The following GPC6 variants were observed in gnomAD, a reference collection of about 807,000 sequenced individuals.
The protein encoded by GPC6 is glypican 6, also known as glypican-6.
GPC6 carries 14 observed loss-of-function variants against 55.2 expected under a neutral mutation model. The observed-to-expected ratio is 0.25, with a 90% confidence interval of 0.17 to 0.40. The LOEUF (loss-of-function observed/expected upper bound fraction) is 0.40, where lower values mean the gene tolerates loss of function less well. Ranked by LOEUF, GPC6 falls within the 10% of genes least tolerant of loss-of-function variation. GPC6 has a pLI of 1.00. For missense variants in GPC6, 641 were observed against 708.5 expected, an observed-to-expected ratio of 0.90 and a Z score of 1.08; for synonymous variants, 278 against 259.6, an observed-to-expected ratio of 1.07 and a Z score of -0.68.
intron 4 of GPC6, among the ~76,000 whole-genome samples, chr13:94,069,779 A>G (rs1015015993): frequency 6.6e-6 from 1 of 152,146 alleles, no homozygotes; most frequent in South Asian, 2.1e-4. Context: ...CAAGTTTCTC[A>G]TCTCCATCTG....
Position 94,403,051 on chromosome 13 carries a change from G to A in GPC6, c.1502G>A (p.Cys501Tyr). 6.2e-7 allele frequency: 1 copy of A among 1,613,626 alleles called. No homozygotes were observed. Among genetic ancestry groups the A allele is most frequent in the African/African-American group, 1.3e-5 (1 of 75,038 alleles). ...AGTGGCTCAGGGAGTGGCAGTGGGT[G>A]CATGGATGACGTGTGTCCCACGGAG... ...ESSGSGSGSGCMDDVCPTEFE... is the reference protein window; with the variant it reads ...ESSGSGSGSGYMDDVCPTEFE... The change falls in exon 9 of 9, where the codon TGC (cysteine) becomes TAC (tyrosine). Residue 501 changes from cysteine to tyrosine, a missense_variant. Cys to Tyr is a radical substitution (Grantham distance 194). Coordinates refer to ENST00000377047, the MANE Select transcript of GPC6 (RefSeq NM_005708.5).
intron 2 of GPC6, among the ~76,000 whole-genome samples, chr13:93,553,985 A>T (rs1875311849): frequency 6.6e-6 from 1 of 151,024 alleles, no homozygotes; most frequent in African/African-American, 2.4e-5. Flanking sequence ...AAAAAAAAAA[A>T]AAAAATACAA....
intron 3 of GPC6, among the ~76,000 whole-genome samples, chr13:93,983,219 A>C (rs939249831): frequency 6.6e-6 from 1 of 152,210 alleles, no homozygotes; most frequent in African/African-American, 2.4e-5. Flanking sequence ...CATGTTAATC[A>C]TAGTAAATGC....
intron 1 of GPC6, among the ~76,000 whole-genome samples, chr13:93,403,398 T>C (rs1234176594): frequency 1.3e-5 from 2 of 152,300 alleles, no homozygotes; most frequent in East Asian, 1.9e-4. Context: ...CTATTCCTTT[T>C]CTTGTGCCTT....
At chr13:93,352,129 G>A (rs1226367784) in intron 1 of GPC6, among the ~76,000 whole-genome samples, 2 of 152,064 alleles carry the variant, frequency 1.3e-5, no homozygotes, top group East Asian at 3.9e-4. Flanking sequence ...CCCTTTTGAG[G>A]TGATAAGAAT....
chr13:93,729,870 G>C lies in GPC6; in HGVS notation c.320-100284G>C, dbSNP rs1883763726. Among the ~76,000 whole-genome samples, 6 of 152,108 alleles carry C rather than the reference G, an allele frequency of 3.9e-5. 1 individual carries two copies. The highest frequency in any genetic ancestry group is 3.9e-4 in the Admixed American group (6 of 15,270). On this transcript the variant is annotated intron_variant, in intron 2 of 8. Transcript: ENST00000377047. ...GAAAAACAGTTGCCATATGCAAGAAGAGAAAAAAATGGATACATCTCATAA... is the reference window on the plus strand; with the variant it reads ...GAAAAACAGTTGCCATATGCAAGAACAGAAAAAAATGGATACATCTCATAA...
intron 2 of GPC6, among the ~76,000 whole-genome samples, chr13:93,612,794 A>T (rs1212197607): frequency 6.6e-6 from 1 of 152,190 alleles, no homozygotes. Context: ...TTTTTCCATC[A>T]TTCTTTCTCT....
chr13:93,533,927 A>T (rs1206556707), intron 1 of GPC6, among the ~76,000 whole-genome samples: 1 of 151,926 alleles, frequency 6.6e-6, no homozygotes, highest in Non-Finnish European at 1.5e-5. Flanking sequence ...TCCTTGGGGG[A>T]TGATTTCACC....
chr13:94,351,979 A>AG (rs1165707885), intron 6 of GPC6, among the ~76,000 whole-genome samples: 8,679 of 142,746 alleles, frequency 0.061, 920 homozygotes, highest in African/African-American at 0.2. Context: ...AAAAAAAAAA[A>AG]AAAGAAAAAG....
chr13:93,285,157 C>G (rs1288597024), intron 1 of GPC6, among the ~76,000 whole-genome samples: 2 of 152,110 alleles, frequency 1.3e-5, no homozygotes, highest in Non-Finnish European at 2.9e-5. Context: ...TTCTGTTATG[C>G]ACGTTAGTCT....
At chr13:93,465,892 G>C (rs375324390) in intron 1 of GPC6, among the ~76,000 whole-genome samples, 4 of 152,090 alleles carry the variant, frequency 2.6e-5, no homozygotes, top group African/African-American at 9.7e-5. Context: ...TGAATACTTA[G>C]AGGCCGTTGC....
chr13:93,297,499 C>T lies in GPC6; in HGVS notation c.160+69883C>T, dbSNP rs143897128. Among the ~76,000 whole-genome samples the T allele has an allele frequency of 2.8e-3, 422 of 152,188 alleles. 1 individual carries two copies. Among genetic ancestry groups the T allele is most frequent in the African/African-American group, 9.9e-3 (409 of 41,520 alleles). On this transcript the variant is annotated intron_variant, in intron 1 of 8. Transcript: ENST00000377047. ...AAAAGAAATTAGCTGAGTGTGTTAG[C>T]GTGCACCTGTGGTCCCAGCTACTTG...
intron 4 of GPC6, among the ~76,000 whole-genome samples, chr13:94,182,201 A>ATT (rs34280963): frequency 9.4e-5 from 14 of 148,308 alleles, no homozygotes; most frequent in Non-Finnish European, 1.2e-4. Context: ...TAGGTCTCAG[A>ATT]TTTTTTTTTT....
chr13:93,408,597 A>G (rs953832539), intron 1 of GPC6, among the ~76,000 whole-genome samples: 1 of 152,190 alleles, frequency 6.6e-6, no homozygotes, highest in Non-Finnish European at 1.5e-5. Context: ...TGAATAGGAA[A>G]TTGACAGTAG....
At chr13:94,068,191 G>A (rs1884602891) in intron 4 of GPC6, among the ~76,000 whole-genome samples, 1 of 152,154 alleles carries the variant, frequency 6.6e-6, no homozygotes, top group African/African-American at 2.4e-5. Context: ...GGAAGGCAAG[G>A]AGGAGCAAGT....
chr13:93,738,803 A>T (rs1594414731), intron 2 of GPC6, among the ~76,000 whole-genome samples: 2 of 152,220 alleles, frequency 1.3e-5, no homozygotes, highest in East Asian at 3.9e-4. Context: ...GATTATGCTT[A>T]TTTCCTTCCT....
rs1594530429 is a variant in GPC6 at position 93,857,988 on chromosome 13, A to G, written c.711+27443A>G. Among the ~76,000 whole-genome samples the G allele has an allele frequency of 2.0e-5, 3 of 151,588 alleles. No individual in the cohort carries two copies. The South Asian group carries it at 6.2e-4, about 31-fold the overall frequency. Reference sequence around the variant, plus strand: ...TCTTTTTTCACTTTGAGAGTGGATAAATTGCTGCTAACATACATTAATTAC... The same window carrying G: ...TCTTTTTTCACTTTGAGAGTGGATAGATTGCTGCTAACATACATTAATTAC... On this transcript the variant is annotated intron_variant, in intron 3 of 8. Transcript: ENST00000377047.
At chr13:94,139,309 T>G (rs1887290187) in intron 4 of GPC6, among the ~76,000 whole-genome samples, 1 of 152,226 alleles carries the variant, frequency 6.6e-6, no homozygotes, top group African/African-American at 2.4e-5. Context: ...CCCCATACAT[T>G]TATGCAAATA....
At chr13:94,356,981 T>C (rs889913918) in intron 6 of GPC6, among the ~76,000 whole-genome samples, 1 of 152,160 alleles carries the variant, frequency 6.6e-6, no homozygotes, top group African/African-American at 2.4e-5. Context: ...GAATCCATGA[T>C]TGATAGATGT....
Sources: allele counts gnomAD v4.1 joint callset (sites outside exome capture counted in the v4.1 genomes callset), GRCh38; gene constraint gnomAD v4.1.1; transcripts MANE v1.5; gene names NCBI Gene and HGNC (gene_info 2026-07-23, HGNC 2026-07-21).